The following BIRC6 variants were observed in gnomAD, a reference collection of about 807,000 sequenced individuals.
BIRC6 encodes the protein baculoviral IAP repeat containing 6, also known as dual E2 ubiquitin-conjugating enzyme/E3 ubiquitin-protein ligase BIRC6.
BIRC6 carries 98 observed loss-of-function variants against 503.3 expected under a neutral mutation model. That is an observed-to-expected ratio of 0.19 (90% CI 0.17 to 0.23). BIRC6 has a LOEUF of 0.23. Among genes scored for constraint, BIRC6 ranks in the 10% least tolerant of loss-of-function variants. The pLI is 1.00. For synonymous variants in BIRC6, 2,240 were observed against 2,078.7 expected (o/e 1.08, Z -2.11); for missense variants, 5,360 against 5,806.0 (o/e 0.92, Z 2.50).
At chr2:32,454,104 ATTC>A in intron 23 of BIRC6, 162 bp downstream of exon 23, 2 of 265,228 alleles carry the variant, frequency 7.5e-6, no homozygotes, top group Non-Finnish European at 1.2e-5. Flanking sequence ...ATCGTTTTAT[ATTC>A]TTTCCTAAGT....
At chr2:32,545,918 C>T (rs1457172452) in intron 63 of BIRC6, 58 bp downstream of exon 63, 21 of 1,464,156 alleles carry the variant, frequency 1.4e-5, no homozygotes, top group Non-Finnish European at 2.0e-5. Flanking sequence ...TTAGGGAGTA[C>T]AGAATAAAGT....
intron 53 of BIRC6, among the ~76,000 whole-genome samples, chr2:32,510,867 T>G (rs1262337793): frequency 6.6e-6 from 1 of 152,226 alleles, no homozygotes; most frequent in Non-Finnish European, 1.5e-5. Context: ...ATAGAATTCT[T>G]TGTTAATACT....
At chr2:32,500,206 T>C in intron 46 of BIRC6, 97 bp downstream of exon 46, 2 of 1,125,686 alleles carry the variant, frequency 1.8e-6, no homozygotes, top group African/African-American at 3.1e-5. Context: ...TACTTTATAG[T>C]GTAAAACTGC....
At chr2:32,485,584 A>G in intron 39 of BIRC6, 59 bp from the exon 40 acceptor site, 1 of 1,099,302 alleles carries the variant, frequency 9.1e-7, no homozygotes, top group Non-Finnish European at 1.4e-6. Context: ...TTATTGTAGG[A>G]GGTAGGACAT....
intron 65 of BIRC6, among the ~76,000 whole-genome samples, chr2:32,549,966 C>A (rs2058317892): frequency 6.6e-6 from 1 of 152,036 alleles, no homozygotes; most frequent in Non-Finnish European, 1.5e-5. Context: ...ACTTGTTTTG[C>A]CAGTATACAA....
At chr2:32,414,692 T>TA in intron 9 of BIRC6, 77 bp from the exon 10 acceptor site, 1 of 1,010,342 alleles carries the variant, frequency 9.9e-7, no homozygotes, top group Non-Finnish European at 1.4e-6. Context: ...AATAAATAAA[T>TA]AATTTTACTT....
intron 5 of BIRC6, among the ~76,000 whole-genome samples, chr2:32,394,377 C>CAT (rs1202599378): frequency 2.6e-5 from 4 of 151,824 alleles, no homozygotes; most frequent in Non-Finnish European, 5.9e-5. Flanking sequence ...AAAATATATA[C>CAT]ATATATATAT....
At chr2:32,494,434 G>T (rs1200619286) in intron 45 of BIRC6, among the ~76,000 whole-genome samples, 2 of 151,400 alleles carry the variant, frequency 1.3e-5, no homozygotes, top group Non-Finnish European at 3.0e-5. Flanking sequence ...CACTATGTTG[G>T]CCAGGGTGGT....
intron 65 of BIRC6, among the ~76,000 whole-genome samples, chr2:32,569,407 C>A (rs991375887): frequency 6.6e-6 from 1 of 152,112 alleles, no homozygotes; most frequent in Non-Finnish European, 1.5e-5. Flanking sequence ...CTTGCTCCGT[C>A]GCCCAGGCTA....
chr2:32,382,726 T>A (rs957808060), intron 3 of BIRC6, among the ~76,000 whole-genome samples: 3 of 152,176 alleles, frequency 2.0e-5, no homozygotes, highest in Non-Finnish European at 2.9e-5. Flanking sequence ...TTTTAAAAAA[T>A]TTATTTTTAT....
chr2:32,496,657 TTTAGAG>T (rs2052511639), intron 45 of BIRC6, among the ~76,000 whole-genome samples: 1 of 152,182 alleles, frequency 6.6e-6, no homozygotes, highest in Non-Finnish European at 1.5e-5. Context: ...GTTCTTTATT[TTTAGAG>T]TTATTTTGGC....
At chr2:32,532,171 G>GTGTGTGTA in intron 61 of BIRC6, 1 of 525,160 alleles carries the variant, frequency 1.9e-6, no homozygotes, top group Admixed American at 2.0e-5. Flanking sequence ...GTGTGTGTGT[G>GTGTGTGTA]GTTATTTTGG....
chr2:32,369,216 A>G (rs1173176754), intron 1 of BIRC6, among the ~76,000 whole-genome samples: 2 of 152,166 alleles, frequency 1.3e-5, no homozygotes, highest in South Asian at 2.1e-4. Flanking sequence ...GGGCTGACTT[A>G]AAATGTAGGC....
At chr2:32,457,482 T>G (rs567857467) in intron 23 of BIRC6, among the ~76,000 whole-genome samples, 12 of 152,298 alleles carry the variant, frequency 7.9e-5, no homozygotes, top group African/African-American at 2.6e-4. Flanking sequence ...AACCGTTCTT[T>G]TAGTAATTGT....
At chr2:32,570,264 A>G (rs2059827666) in intron 65 of BIRC6, among the ~76,000 whole-genome samples, 1 of 152,074 alleles carries the variant, frequency 6.6e-6, no homozygotes, top group Non-Finnish European at 1.5e-5. Flanking sequence ...ATCATACTTG[A>G]TCATGATGTA....
chr2:32,484,566 AG>A (rs1316707107), intron 39 of BIRC6, among the ~76,000 whole-genome samples: 1 of 149,644 alleles, frequency 6.7e-6, no homozygotes, highest in Non-Finnish European at 1.5e-5. Flanking sequence ...AAAAAAAAAA[AG>A]AAAGAAAGAA....
chr2:32,488,069 G>A (rs2149292454), intron 41 of BIRC6, among the ~76,000 whole-genome samples: 1 of 151,980 alleles, frequency 6.6e-6, no homozygotes, highest in East Asian at 1.9e-4. Flanking sequence ...CACAGGGCAT[G>A]GTGGCTTGAG....
chr2:32,457,113 T>G (rs540485595), intron 23 of BIRC6, among the ~76,000 whole-genome samples: 1 of 152,196 alleles, frequency 6.6e-6, no homozygotes, highest in South Asian at 2.1e-4. Context: ...CCTCGTCTGA[T>G]GTTTACTTAG....
intron 30 of BIRC6, 106 bp downstream of exon 30, chr2:32,469,720 T>C (rs1182055780): frequency 2.2e-5 from 23 of 1,024,608 alleles, no homozygotes; most frequent in Non-Finnish European, 3.2e-5. Context: ...GTTGTGAATA[T>C]GAAGCAGATC....
Sources: gnomAD v4.1 joint callset for allele counts (sites outside exome capture counted in the v4.1 genomes callset) on GRCh38, gnomAD v4.1.1 for gene constraint, MANE v1.5 for transcripts, NCBI Gene and HGNC (gene_info 2026-07-23, HGNC 2026-07-21) for gene names.